ALPK3: variants seen among roughly 807,000 people sequenced by gnomAD.
ALPK3 encodes the protein alpha-protein kinase 3.
In ALPK3, 102 loss-of-function variants were observed where a neutral mutation model predicts 140.0. The observed-to-expected ratio is 0.73, with a 90% CI of 0.62 to 0.86. ALPK3 has a LOEUF of 0.86. ALPK3 is among the 40% of genes least tolerant of loss of function. The pLI, the probability that ALPK3 is intolerant of heterozygous loss-of-function variation, is 0.00. For missense variants in ALPK3, 2,254 were observed against 2,208.2 expected (o/e 1.02, Z -0.42); for synonymous variants, 938 against 898.5 (o/e 1.04, Z -0.79).
intron 3 of ALPK3, among the ~76,000 whole-genome samples, chr15:84,831,438 T>C (rs944276258): frequency 3.3e-5 from 5 of 152,212 alleles, no homozygotes; most frequent in African/African-American, 9.6e-5. Flanking sequence ...TGTCTTTTGC[T>C]CTACTTTCTG....
chr15:84,823,890 T>C (rs550440369), intron 2 of ALPK3, among the ~76,000 whole-genome samples: 1 of 152,248 alleles, frequency 6.6e-6, no homozygotes, highest in South Asian at 2.1e-4. Flanking sequence ...TTTAAAAATT[T>C]TCTTGTAGAG....
chr15:84,846,835 G>T (rs1963736699), intron 5 of ALPK3, among the ~76,000 whole-genome samples: 1 of 152,106 alleles, frequency 6.6e-6, no homozygotes, highest in African/African-American at 2.4e-5. Flanking sequence ...CATGATCTCG[G>T]TTCACTGCAA....
intron 6 of ALPK3, 115 bp downstream of exon 6, chr15:84,858,670 C>G: frequency 1.4e-6 from 2 of 1,398,058 alleles, no homozygotes; most frequent in South Asian, 3.0e-5. Context: ...CCTCGGGATT[C>G]ATAAATTACC....
chr15:84,859,439 AATACCG>A, intron 7 of ALPK3, 49 bp downstream of exon 7: 1 of 1,607,048 alleles, frequency 6.2e-7, no homozygotes, highest in Non-Finnish European at 8.5e-7. Flanking sequence ...TGATTGCAGT[AATACCG>A]TTGGGCACTG....
intron 3 of ALPK3, among the ~76,000 whole-genome samples, chr15:84,837,030 G>C (rs1422729415): frequency 1.3e-5 from 2 of 152,198 alleles, no homozygotes; most frequent in Non-Finnish European, 1.5e-5. Context: ...ATGGGCATAG[G>C]AATTGGATTT....
At chr15:84,859,433 T>G (rs749448693) in intron 7 of ALPK3, 43 bp downstream of exon 7, 45 of 1,610,186 alleles carry the variant, frequency 2.8e-5, no homozygotes, top group Non-Finnish European at 3.6e-5. Flanking sequence ...GCTCCCTGAT[T>G]GCAGTAATAC....
chr15:84,819,024 T>G (rs1963394729), intron 1 of ALPK3, among the ~76,000 whole-genome samples: 1 of 152,138 alleles, frequency 6.6e-6, no homozygotes, highest in East Asian at 1.9e-4. Flanking sequence ...AGGGTCCTTC[T>G]TGGAGACAGC....
chr15:84,830,816 G>A (rs1220822102), intron 3 of ALPK3, among the ~76,000 whole-genome samples: 1 of 152,094 alleles, frequency 6.6e-6, no homozygotes, highest in Non-Finnish European at 1.5e-5. Flanking sequence ...TCCTGCCTCA[G>A]CCTCCTGAGT....
rs150028343 is a variant in ALPK3 at position 84,856,426 on chromosome 15, T to G, written c.1688T>G (p.Met563Arg). The change falls in exon 6 of 14, where the codon ATG becomes AGG. Residue 563 changes from methionine to arginine, a missense_variant. Coordinates refer to ENST00000258888, the MANE Select transcript of ALPK3 (RefSeq NM_020778.5). ...LECQTTTAPT[M>R]SASSSSDVAS... Reference sequence around the variant, plus strand: ...TGCCAGACAACCACGGCTCCTACCATGTCGGCCAGCAGCAGCTCTGATGTA... The same window carrying G: ...TGCCAGACAACCACGGCTCCTACCAGGTCGGCCAGCAGCAGCTCTGATGTA... The G allele has an allele frequency of 1.4e-4, 218 of 1,609,626 alleles. No homozygotes were observed. Among genetic ancestry groups the G allele is most frequent in the Non-Finnish European group, 1.5e-4 (176 of 1,178,152 alleles).
intron 9 of ALPK3, among the ~76,000 whole-genome samples, chr15:84,860,358 T>C (rs1963929071): frequency 6.6e-6 from 1 of 152,196 alleles, no homozygotes; most frequent in African/African-American, 2.4e-5. Flanking sequence ...GCATGTCTTA[T>C]CCTGCCAGCT....
chr15:84,856,954 C>G lies in ALPK3; in HGVS notation c.2216C>G (p.Pro739Arg). The change falls in exon 6 of 14, where the codon CCC becomes CGC. Residue 739 changes from proline to arginine, a missense_variant. Pro to Arg is a moderately radical substitution (Grantham distance 103). This residue lies in a region of ALPK3 where 2,088 missense variants were observed against 2,022.9 expected (regional missense o/e 1.03). Transcript: ENST00000258888. ...ATSLGPPSRTPKLPPTAGPRA... is the reference protein window; with the variant it reads ...ATSLGPPSRTRKLPPTAGPRA... ...AGCCTCGGCCCACCATCCAGAACCCCCAAACTCCCACCTACAGCGGGTCCT... is the reference window on the plus strand; with the variant it reads ...AGCCTCGGCCCACCATCCAGAACCCGCAAACTCCCACCTACAGCGGGTCCT... 6.2e-7 allele frequency: 1 copy of G among 1,614,100 alleles called. No homozygotes were observed. Among genetic ancestry groups the G allele is most frequent in the Non-Finnish European group, 8.5e-7 (1 of 1,180,012 alleles).
rs150250443 is a variant in ALPK3 at position 84,868,365 on chromosome 15, C to T, written c.5027C>T (p.Ala1676Val). The change falls in exon 14 of 14, where the codon GCC becomes GTC. Residue 1676 changes from alanine (A) to valine (V), a missense_variant. Around this residue, in one of 3 missense-constraint regions of ALPK3, gnomAD observed 158 missense variants for 159.8 expected, o/e 0.99. Transcript: ENST00000258888. ...GTRKSAPSSK[A>V]TPQASEPVTT... Reference sequence around the variant, plus strand: ...CGGAAGAGTGCTCCAAGTTCCAAGGCCACCCCTCAGGCCTCAGAGCCAGTC... The same window carrying T: ...CGGAAGAGTGCTCCAAGTTCCAAGGTCACCCCTCAGGCCTCAGAGCCAGTC... 9 of 1,613,952 alleles carry T rather than the reference C, an allele frequency of 5.6e-6. No homozygotes were observed. In the African/African-American group the frequency reaches 9.3e-5, roughly 17 times the overall value.
intron 2 of ALPK3, among the ~76,000 whole-genome samples, chr15:84,825,204 ATC>A (rs999204327): frequency 2.0e-5 from 3 of 151,038 alleles, no homozygotes; most frequent in Non-Finnish European, 4.4e-5. Flanking sequence ...TTTTTGAGGC[ATC>A]TCTCTCTGTC....
chr15:84,829,493 G>C (rs939852632), intron 3 of ALPK3, among the ~76,000 whole-genome samples: 1 of 152,204 alleles, frequency 6.6e-6, no homozygotes, highest in Non-Finnish European at 1.5e-5. Context: ...CTTCTCGTGA[G>C]GATGAGACAG....
intron 12 of ALPK3, 117 bp from the exon 13 acceptor site, chr15:84,867,200 A>G (rs1425137995): frequency 1.2e-6 from 1 of 827,612 alleles, no homozygotes; most frequent in Middle Eastern, 3.6e-4. Context: ...CTAAGCCCCC[A>G]TGTCTCCAGC....
At chr15:84,824,036 A>T (rs1054511965) in intron 2 of ALPK3, among the ~76,000 whole-genome samples, 1 of 152,154 alleles carries the variant, frequency 6.6e-6, no homozygotes, top group African/African-American at 2.4e-5. Flanking sequence ...TGTTTTTTGT[A>T]ACCACATACC....
At chr15:84,859,104 G>T in intron 6 of ALPK3, 139 bp from the exon 7 acceptor site, 1 of 1,174,340 alleles carries the variant, frequency 8.5e-7, no homozygotes, top group South Asian at 1.6e-5. Flanking sequence ...AGGAGGCACC[G>T]GGGGGCTGTG....
chr15:84,867,469 C>A, intron 13 of ALPK3, 104 bp downstream of exon 13: 1 of 1,341,286 alleles, frequency 7.5e-7, no homozygotes, highest in Non-Finnish European at 1.1e-6. Context: ...GGCCTGGGGC[C>A]AAGTGGTCCC....
chr15:84,867,428 G>C, intron 13 of ALPK3, 63 bp downstream of exon 13: 1 of 1,588,562 alleles, frequency 6.3e-7, no homozygotes, highest in African/African-American at 1.3e-5. Flanking sequence ...AATGTCCTAA[G>C]CCCTTCTGGT....
Sources: allele counts gnomAD v4.1 joint callset (sites outside exome capture counted in the v4.1 genomes callset), GRCh38; gene constraint gnomAD v4.1.1; regional missense constraint gnomAD v4.1.1; transcripts MANE v1.5; gene names NCBI Gene and HGNC (gene_info 2026-07-23, HGNC 2026-07-21).